The following ATP11A variants were observed in gnomAD, a reference collection of about 807,000 sequenced individuals.
ATP11A encodes the protein phospholipid-transporting ATPase IH.
ATP11A carries 81 observed loss-of-function variants against 154.4 expected under a neutral mutation model. That is an observed-to-expected ratio of 0.52 (90% CI 0.44 to 0.63). The LOEUF is 0.63. Ranked by LOEUF, ATP11A falls within the 30% of genes least tolerant of loss-of-function variation. ATP11A has a pLI of 0.00. For missense variants in ATP11A, 1,316 were observed against 1,474.3 expected, an observed-to-expected ratio of 0.89 and a Z score of 1.76; for synonymous variants, 623 against 585.9, an observed-to-expected ratio of 1.06 and a Z score of -0.91.
intron 1 of ATP11A, among the ~76,000 whole-genome samples, chr13:112,721,414 C>G (rs1391485557): frequency 1.3e-5 from 2 of 152,192 alleles, no homozygotes; most frequent in Non-Finnish European, 2.9e-5. Context: ...AGGCTTTGTT[C>G]TCTTGCGTGT....
chr13:112,818,422 T>C (rs889840685), intron 6 of ATP11A, among the ~76,000 whole-genome samples: 13 of 152,228 alleles, frequency 8.5e-5, no homozygotes, highest in East Asian at 5.8e-4. Context: ...TTGGTGATGA[T>C]GCAGTGATTG....
intron 3 of ATP11A, 81 bp from the exon 4 acceptor site, chr13:112,806,132 G>A: frequency 2.9e-6 from 3 of 1,018,712 alleles, no homozygotes; most frequent in Admixed American, 3.7e-5. Flanking sequence ...AATGGGAAGT[G>A]CTGGCTCAGG....
At chr13:112,879,884 C>T (rs546015086) in intron 29 of ATP11A, among the ~76,000 whole-genome samples, 2 of 152,186 alleles carry the variant, frequency 1.3e-5, no homozygotes, top group East Asian at 3.9e-4. Flanking sequence ...TATATATGTG[C>T]GATTTGCACA....
intron 28 of ATP11A, among the ~76,000 whole-genome samples, chr13:112,876,615 A>G (rs983146304): frequency 8.5e-5 from 13 of 152,190 alleles, no homozygotes; most frequent in African/African-American, 3.1e-4. Context: ...TCTATTAACA[A>G]TGCAAGTTTT....
intron 8 of ATP11A, among the ~76,000 whole-genome samples, chr13:112,821,023 G>A (rs1205607871): frequency 6.6e-6 from 1 of 152,182 alleles, no homozygotes; most frequent in Non-Finnish European, 1.5e-5. Context: ...AGGTGCTTTC[G>A]AGAACTGATA....
Position 112,763,405 on chromosome 13 carries a change from T to A in ATP11A, c.40-21730T>A, listed in dbSNP as rs534059901. On this transcript the variant is annotated intron_variant, in intron 1 of 29. Coordinates refer to ENST00000375645, the MANE Select transcript of ATP11A (RefSeq NM_015205.3). ...AACAGACTCTCTGTACCAGTAAGTT[T>A]CCAACCTGACTCTAGTGTACCCTCA... Among the ~76,000 whole-genome samples, 318 of 152,250 alleles carry A rather than the reference T, an allele frequency of 2.1e-3. 1 individual carries two copies. The highest frequency in any genetic ancestry group is 7.3e-3 in the African/African-American group (304 of 41,542).
chr13:112,795,257 T>C (rs1256446747), intron 2 of ATP11A, among the ~76,000 whole-genome samples: 1 of 152,138 alleles, frequency 6.6e-6, no homozygotes, highest in Non-Finnish European at 1.5e-5. Context: ...AATAAATAAA[T>C]AAATAAGTTA....
At chr13:112,827,012 C>A in intron 12 of ATP11A, 121 bp downstream of exon 12, 1 of 980,198 alleles carries the variant, frequency 1.0e-6, no homozygotes, top group Non-Finnish European at 1.6e-6. Flanking sequence ...CGTAAGACAG[C>A]AGCAGGGTTG....
At chr13:112,860,526 C>T (rs934439710) in intron 24 of ATP11A, 112 bp downstream of exon 24, 106 of 1,254,264 alleles carry the variant, frequency 8.5e-5, no homozygotes, top group South Asian at 3.0e-4. Flanking sequence ...CAGAAGCATT[C>T]GGCATCTGCT....
rs1384501204 is a variant in ATP11A, at chr13:112,785,095, G to T, written c.40-40G>T. ...CTCTGGGCAAGAGCTTTTGATGCAG[G>T]TTCTGAGGCAGCTGCCTAACACCGC... is the stretch of plus-strand genomic sequence containing the variant. On this transcript the variant is annotated intron_variant, in intron 1 of 29. Transcript: ENST00000375645. This position sits in a 1 kb window ranked among gnomAD's most constrained non-coding sequence, Gnocchi z 4.8. 4 of 1,416,268 alleles carry T rather than the reference G, an allele frequency of 2.8e-6. No homozygotes were observed. Among genetic ancestry groups the T allele is most frequent in the African/African-American group, 2.9e-5 (2 of 67,852 alleles). 87.7% of individuals were successfully genotyped at this position (1,416,268 alleles called of 1,614,324 possible).
chr13:112,878,145 G>A lies in ATP11A; in HGVS notation c.3328-72G>A, dbSNP rs898472114. 1.4e-5 allele frequency: 20 copies of A among 1,406,032 alleles called. No homozygotes were observed. The East Asian group carries it at 2.5e-4, about 18-fold the overall frequency. The allele number at this position is 1,406,032 out of a possible 1,614,324, so 87.1% of individuals were successfully genotyped here. A position where few individuals can be genotyped will look rare whatever the true frequency, so the allele number is the denominator to read the frequency against. On this transcript the variant is annotated intron_variant, in intron 28 of 29. Coordinates refer to ENST00000375645, the MANE Select transcript of ATP11A (RefSeq NM_015205.3). ...TCCTTCCCATTTCCTTCCGTCTTCC[G>A]ACCGCTTTGCCTAAATCCTCACACC...
chr13:112,703,370 C>T (rs968964086), intron 1 of ATP11A: 1 of 152,238 alleles, frequency 6.6e-6, no homozygotes, highest in Admixed American at 6.5e-5. Context: ...GCCCAATCTT[C>T]AGGTCCAATC....
chr13:112,722,394 C>T (rs1446513176), intron 1 of ATP11A, among the ~76,000 whole-genome samples: 2 of 152,056 alleles, frequency 1.3e-5, no homozygotes, highest in Non-Finnish European at 2.9e-5. Flanking sequence ...AAAGACTTAT[C>T]AGTAGAAAGG....
intron 1 of ATP11A, among the ~76,000 whole-genome samples, chr13:112,767,974 C>A (rs558614002): frequency 6.6e-6 from 1 of 152,142 alleles, no homozygotes; most frequent in African/African-American, 2.4e-5. Context: ...GTCACAGAAA[C>A]GCCCTTCTCT....
At position 112,844,802 on chromosome 13, in the gene ATP11A, G is replaced by A. The variant is rs752994166; in HGVS notation, c.1809+2423G>A. Among the ~76,000 whole-genome samples the A allele has an allele frequency of 7.6e-5, 10 of 131,490 alleles. 1 individual carries two copies. Among genetic ancestry groups the A allele is most frequent in the East Asian group, 6.4e-4 (3 of 4,682 alleles). 86.3% of individuals were successfully genotyped at this position (131,490 alleles called of 152,430 possible). On this transcript the variant is annotated intron_variant, in intron 17 of 29. Transcript: ENST00000375645. ...ACCAGTCCAGTTGCCGGGTGTTAGTGGTACTAACCAGTCCAGTTGCCGGGT... is the reference window on the plus strand; with the variant it reads ...ACCAGTCCAGTTGCCGGGTGTTAGTAGTACTAACCAGTCCAGTTGCCGGGT...
chr13:112,867,089 G>C (rs897482476), intron 25 of ATP11A, among the ~76,000 whole-genome samples: 4 of 152,250 alleles, frequency 2.6e-5, no homozygotes, highest in South Asian at 4.1e-4. Flanking sequence ...GTAGTGTCCT[G>C]AGCACTGAGA....
At chr13:112,742,313 C>T (rs542954114) in intron 1 of ATP11A, among the ~76,000 whole-genome samples, 120 of 152,248 alleles carry the variant, frequency 7.9e-4, no homozygotes, top group African/African-American at 2.9e-3. Flanking sequence ...GGGGTGCTGT[C>T]CTGTCACCTC....
At chr13:112,721,152 C>T (rs969574830) in intron 1 of ATP11A, among the ~76,000 whole-genome samples, 1 of 152,134 alleles carries the variant, frequency 6.6e-6, no homozygotes, top group Non-Finnish European at 1.5e-5. Context: ...GGTTGTAAAT[C>T]AGAGTTAGGG....
At chr13:112,802,024 C>T (rs1017633082) in intron 2 of ATP11A, among the ~76,000 whole-genome samples, 1 of 152,166 alleles carries the variant, frequency 6.6e-6, no homozygotes, top group African/African-American at 2.4e-5. Context: ...CTACGGTAAT[C>T]AAGACAGTGT....
Sources: gnomAD v4.1 joint callset for allele counts (sites outside exome capture counted in the v4.1 genomes callset) on GRCh38, gnomAD v4.1.1 for gene constraint, Gnocchi (gnomAD v3.1) non-coding constraint, MANE v1.5 for transcripts, NCBI Gene and HGNC (gene_info 2026-07-23, HGNC 2026-07-21) for gene names.